WWOX: variants seen among roughly 807,000 people sequenced by gnomAD.
WWOX encodes the protein WW domain containing oxidoreductase.
Under a neutral mutation model 46.2 loss-of-function variants are expected in WWOX, and 69 were observed. The ratio of observed to expected loss-of-function variants is 1.49; its 90% CI spans 1.23 to 1.82. The LOEUF is 1.82. Ranked by LOEUF, WWOX falls within the 40% of genes most tolerant of loss-of-function variation. WWOX has a pLI of 0.00. For synonymous variants in WWOX, 359 were observed against 202.6 expected, an observed-to-expected ratio of 1.77 and a Z score of -6.56; for missense variants, 919 against 542.6, an observed-to-expected ratio of 1.69 and a Z score of -6.89.
intron 8 of WWOX, among the ~76,000 whole-genome samples, chr16:78,496,756 T>C (rs1307080471): frequency 1.3e-5 from 2 of 152,238 alleles, no homozygotes; most frequent in East Asian, 3.8e-4. Flanking sequence ...ACTGTGTGTT[T>C]GCATTTGCTG....
At chr16:79,058,106 TA>T (rs1213609475) in intron 8 of WWOX, among the ~76,000 whole-genome samples, 3,178 of 81,708 alleles carry the variant, frequency 0.039, 134 homozygotes, top group African/African-American at 0.17. Flanking sequence ...ATATCTTACT[TA>T]AAAAAAAAAA....
chr16:78,200,539 A>G (rs1374424422), intron 5 of WWOX, among the ~76,000 whole-genome samples: 1 of 150,608 alleles, frequency 6.6e-6, no homozygotes, highest in East Asian at 1.9e-4. Flanking sequence ...ATAAAGTATC[A>G]CAAAAATTTT....
chr16:78,460,095 C>T (rs2083914373), intron 8 of WWOX, among the ~76,000 whole-genome samples: 1 of 151,946 alleles, frequency 6.6e-6, no homozygotes, highest in Admixed American at 6.6e-5. Context: ...GCATGAGCCA[C>T]TGTACCTGGA....
At chr16:78,883,824 T>C (rs2151218298) in intron 8 of WWOX, among the ~76,000 whole-genome samples, 1 of 152,250 alleles carries the variant, frequency 6.6e-6, no homozygotes, top group South Asian at 2.1e-4. Flanking sequence ...AGGAACTCTG[T>C]GTACTCTGTT....
chr16:78,106,364 C>T (rs2032142736), intron 1 of WWOX, among the ~76,000 whole-genome samples: 1 of 150,714 alleles, frequency 6.6e-6, no homozygotes, highest in South Asian at 2.1e-4. Flanking sequence ...CCCACTGTGC[C>T]AGCAGAGAGC....
rs76261969 is a variant in WWOX at position 79,025,263 on chromosome 16, G to A, written c.1057-186345G>A. Among the ~76,000 whole-genome samples the A allele has an allele frequency of 2.5e-3, 386 of 152,316 alleles. 10 individuals are homozygous for A. In the East Asian group the frequency reaches 0.062, roughly 24 times the overall value. On this transcript the variant is annotated intron_variant, in intron 8 of 8. Transcript: ENST00000566780. Reference sequence around the variant, plus strand: ...TCTTGCAGTTATCTGGGAAGGAGCTGTCCATAAAGGCCTGAGTTAAGACAG... The same window carrying A: ...TCTTGCAGTTATCTGGGAAGGAGCTATCCATAAAGGCCTGAGTTAAGACAG...
intron 8 of WWOX, chr16:78,757,027 A>G (rs924586372): frequency 6.3e-5 from 44 of 702,812 alleles, no homozygotes; most frequent in Admixed American, 1.8e-4. Context: ...TGAGTGAACC[A>G]CGTTCGAAGT....
At chr16:78,516,842 G>C (rs1190988988) in intron 8 of WWOX, among the ~76,000 whole-genome samples, 1 of 152,120 alleles carries the variant, frequency 6.6e-6, no homozygotes, top group Admixed American at 6.6e-5. Context: ...CATCATTGAG[G>C]CTGAAGCCAA....
chr16:79,001,303 G>T (rs1045847827), intron 8 of WWOX, among the ~76,000 whole-genome samples: 6 of 151,858 alleles, frequency 4.0e-5, no homozygotes, highest in South Asian at 2.1e-4. Flanking sequence ...ACAATCAGCT[G>T]CTCTCCCTCC....
intron 8 of WWOX, among the ~76,000 whole-genome samples, chr16:78,861,102 G>C (rs1182848525): frequency 6.6e-6 from 1 of 152,108 alleles, no homozygotes; most frequent in African/African-American, 2.4e-5. Context: ...TTATAGGTGT[G>C]AGCCACTGTG....
intron 6 of WWOX, among the ~76,000 whole-genome samples, chr16:78,388,852 C>T (rs942901912): frequency 6.6e-6 from 1 of 151,598 alleles, no homozygotes; most frequent in Non-Finnish European, 1.5e-5. Context: ...GCCTGTAATC[C>T]CAGCTACTTG....
chr16:78,425,717 C>T (rs147585068), intron 7 of WWOX, among the ~76,000 whole-genome samples: 40 of 152,226 alleles, frequency 2.6e-4, no homozygotes, highest in African/African-American at 8.9e-4. Context: ...GAGAGAAGTA[C>T]TCTGAAAAGA....
intron 8 of WWOX, among the ~76,000 whole-genome samples, chr16:78,786,167 C>A (rs149388103): frequency 6.6e-6 from 1 of 152,338 alleles, no homozygotes; most frequent in East Asian, 1.9e-4. Flanking sequence ...GTCTCCGCCT[C>A]CCAAAGTGCT....
At chr16:78,639,148 T>G (rs142331297) in intron 8 of WWOX, among the ~76,000 whole-genome samples, 2 of 152,294 alleles carry the variant, frequency 1.3e-5, no homozygotes, top group African/African-American at 4.8e-5. Context: ...GGTGAAAACT[T>G]GAAACCAAAA....
chr16:79,202,485 T>G (rs2051376004), intron 8 of WWOX: 1 of 152,192 alleles, frequency 6.6e-6, no homozygotes, highest in Admixed American at 6.5e-5. Flanking sequence ...AAAGAAAGTA[T>G]GAAAAAGCCC....
intron 8 of WWOX, among the ~76,000 whole-genome samples, chr16:78,867,657 C>G (rs1270430624): frequency 6.6e-6 from 1 of 152,068 alleles, no homozygotes; most frequent in Non-Finnish European, 1.5e-5. Context: ...TCTCCCACCT[C>G]AGCCTCACGA....
At chr16:78,104,231 A>ACACACACACACACACACACACAC (rs2031989143) in intron 1 of WWOX, among the ~76,000 whole-genome samples, 1 of 130,124 alleles carries the variant, frequency 7.7e-6, no homozygotes, top group African/African-American at 2.9e-5. Context: ...CTGTGCTCAA[A>ACACACACACACACACACACACAC]ACACACACAC....
At chr16:78,327,980 C>A (rs1046399354) in intron 5 of WWOX, among the ~76,000 whole-genome samples, 1 of 150,524 alleles carries the variant, frequency 6.6e-6, no homozygotes, top group African/African-American at 2.4e-5. Flanking sequence ...GGGCTCAAGC[C>A]AGCCGCCCAT....
At chr16:78,876,924 C>T (rs1212889127) in intron 8 of WWOX, among the ~76,000 whole-genome samples, 3 of 152,120 alleles carry the variant, frequency 2.0e-5, no homozygotes, top group Non-Finnish European at 4.4e-5. Flanking sequence ...TGTAACTCTA[C>T]TTAAAATTAA....
Sources: allele counts gnomAD v4.1 joint callset (sites outside exome capture counted in the v4.1 genomes callset), GRCh38; gene constraint gnomAD v4.1.1; transcripts MANE v1.5; gene names NCBI Gene and HGNC (gene_info 2026-07-23, HGNC 2026-07-21).